Variants in ZNF674 observed in about 807,000 individuals in gnomAD.
ZNF674 encodes the protein zinc finger family member 674.
Under a neutral mutation model 7.0 loss-of-function variants are expected in ZNF674, and 2 were observed. The ratio of observed to expected loss-of-function variants is 0.29; its 90% CI spans 0.12 to 0.90. ZNF674 has a LOEUF of 0.90. Among genes scored for constraint, ZNF674 ranks in the 40% least tolerant of loss-of-function variants. The pLI is 0.57. For missense variants in ZNF674, 297 were observed against 415.5 expected (o/e 0.71, Z 2.48); for synonymous variants, 103 against 145.2 (o/e 0.71, Z 2.09).
Position 46,544,585 on chromosome X carries a change from C to G in ZNF674, c.-114G>C, listed in dbSNP as rs1942346608. 1 of 112,096 alleles carries G rather than the reference C, an allele frequency of 8.9e-6. No individual in the cohort carries two copies. The highest frequency in any genetic ancestry group is 3.2e-5 in the African/African-American group (1 of 30,844). The allele number at this position is 112,096 out of a possible 1,213,427, so 9.2% of individuals were successfully genotyped here. A position where few individuals can be genotyped will look rare whatever the true frequency, so the allele number is the denominator to read the frequency against. ...TAAACTGGAGTCTGAAATCGGTGAGCAGTGGTCTCAGGTCTGCACTCTGAC... is the reference window on the plus strand; with the variant it reads ...TAAACTGGAGTCTGAAATCGGTGAGGAGTGGTCTCAGGTCTGCACTCTGAC... On this transcript the variant is annotated 5_prime_UTR_variant, in exon 2 of 6. Transcript: ENST00000683375.
intron 3 of ZNF674, among the ~76,000 whole-genome samples, chrX:46,535,074 A>C (rs939414743): frequency 8.9e-6 from 1 of 112,359 alleles, no homozygotes; most frequent in African/African-American, 3.2e-5. Flanking sequence ...CCCCAAATTC[A>C]GAAGACATAC....
intron 5 of ZNF674, among the ~76,000 whole-genome samples, chrX:46,508,758 C>T (rs1941589586): frequency 9.1e-6 from 1 of 110,270 alleles, no homozygotes; most frequent in African/African-American, 3.3e-5. Flanking sequence ...TGATTTGGTT[C>T]TCTGTTTGTC....
At chrX:46,541,746 C>A (rs1942299259) in intron 3 of ZNF674, among the ~76,000 whole-genome samples, 2 of 111,632 alleles carry the variant, frequency 1.8e-5, no homozygotes, top group Admixed American at 1.9e-4. Context: ...CAAACTTATT[C>A]TCTTAAACAC....
At chrX:46,512,307 A>C (rs1200226768) in intron 5 of ZNF674, among the ~76,000 whole-genome samples, 1 of 111,030 alleles carries the variant, frequency 9.0e-6, no homozygotes, top group African/African-American at 3.3e-5. Context: ...AGTTGCGGTG[A>C]GCCGAGATCA....
At chrX:46,535,141 T>C (rs960559433) in intron 3 of ZNF674, among the ~76,000 whole-genome samples, 1 of 111,429 alleles carries the variant, frequency 9.0e-6, no homozygotes. Context: ...AATAGCAGAA[T>C]GAATTTTTTT....
At chrX:46,539,472 C>T (rs1199979411) in intron 3 of ZNF674, among the ~76,000 whole-genome samples, 3 of 112,649 alleles carry the variant, frequency 2.7e-5, no homozygotes, top group African/African-American at 6.4e-5. Context: ...ATGTACTGTA[C>T]ATTGCTATGC....
chrX:46,514,248 C>T (rs770431055), intron 5 of ZNF674, among the ~76,000 whole-genome samples: 62 of 111,150 alleles, frequency 5.6e-4, no homozygotes, highest in African/African-American at 2.0e-3. Flanking sequence ...ATGACCTGTT[C>T]GATGTACATC....
intron 3 of ZNF674, among the ~76,000 whole-genome samples, chrX:46,529,940 T>C (rs1942080775): frequency 9.0e-6 from 1 of 111,717 alleles, no homozygotes; most frequent in African/African-American, 3.3e-5. Flanking sequence ...CGTTCTAACC[T>C]TCACTCATCA....
intron 5 of ZNF674, chrX:46,518,017 AAAAG>A (rs1941801170): frequency 1.8e-5 from 2 of 111,342 alleles, no homozygotes; most frequent in African/African-American, 6.5e-5. Flanking sequence ...AATTAAAAAA[AAAAG>A]AAGACGAAAT....
chrX:46,542,958 G>C (rs867576193), intron 2 of ZNF674, among the ~76,000 whole-genome samples: 1 of 106,562 alleles, frequency 9.4e-6, no homozygotes, highest in African/African-American at 3.4e-5. Context: ...TCTTTTTTTT[G>C]TTTTTTTTTG....
intron 3 of ZNF674, among the ~76,000 whole-genome samples, 197 bp downstream of exon 3, chrX:46,541,876 A>G (rs764698728): frequency 8.9e-6 from 1 of 112,239 alleles, no homozygotes; most frequent in South Asian, 3.7e-4. Context: ...TTCTGGAAGA[A>G]CAAGTAGAGA....
chrX:46,522,299 AC>A (rs1941929154), intron 5 of ZNF674, among the ~76,000 whole-genome samples: 1 of 110,046 alleles, frequency 9.1e-6, no homozygotes, highest in Admixed American at 9.8e-5. Context: ...TTCCTAGCAA[AC>A]ATGTAAAATA....
chrX:46,535,301 C>G (rs980941936), intron 3 of ZNF674, among the ~76,000 whole-genome samples: 2 of 110,330 alleles, frequency 1.8e-5, no homozygotes, highest in African/African-American at 6.6e-5. Context: ...CACGCACCAC[C>G]ACGTCCAGCT....
intron 5 of ZNF674, among the ~76,000 whole-genome samples, chrX:46,511,464 C>A (rs1273567658): frequency 9.0e-6 from 1 of 111,718 alleles, no homozygotes; most frequent in Non-Finnish European, 1.9e-5. Context: ...TGCACAAGAT[C>A]TTCCTGAGAA....
rs917177752 is a variant in ZNF674, at chrX:46,499,232, A to C, written c.*611T>G. ...GGCTGGAGTGCAGTGGCACGATCTC[A>C]GTTCACTGCAACCTCTGCCTCCTGG... On this transcript the variant is annotated 3_prime_UTR_variant, in exon 6 of 6. Coordinates refer to ENST00000683375, the MANE Select transcript of ZNF674 (RefSeq NM_001190417.2). The C allele has an allele frequency of 1.8e-5, 2 of 112,036 alleles. No individual in the cohort carries two copies. Among genetic ancestry groups the C allele is most frequent in the African/African-American group, 6.5e-5 (2 of 30,808 alleles). 9.2% of individuals were successfully genotyped at this position (112,036 alleles called of 1,213,427 possible).
chrX:46,514,118 G>C (rs137919791), intron 5 of ZNF674, among the ~76,000 whole-genome samples: 2,750 of 111,032 alleles, frequency 0.025, 80 homozygotes, highest in African/African-American at 0.085. Context: ...GGTTAAAGAC[G>C]CTAAGGAAAA....
chrX:46,513,981 A>G (rs1250254999), intron 5 of ZNF674, among the ~76,000 whole-genome samples: 1 of 111,348 alleles, frequency 9.0e-6, no homozygotes, highest in Admixed American at 9.6e-5. Flanking sequence ...AGAAGGATCA[A>G]TTGGGCCCAG....
chrX:46,540,253 A>G (rs1942270707), intron 3 of ZNF674, among the ~76,000 whole-genome samples: 1 of 111,277 alleles, frequency 9.0e-6, no homozygotes, highest in African/African-American at 3.3e-5. Flanking sequence ...CAAAAAAAAA[A>G]AAAGAAAGAT....
rs150204080 is a variant in ZNF674, at chrX:46,533,067, T to C, written c.16-4158A>G. 4.4e-3 allele frequency among the ~76,000 whole-genome samples: 487 copies of C among 111,630 alleles called. 3 individuals carry two copies. Among genetic ancestry groups the C allele is most frequent in the African/African-American group, 0.015 (468 of 30,755 alleles). ...ATGAGGAGGCTAAAATCTGCTAACATGTAGACATAAAAGATTTCCAGCTAT... is the reference window on the plus strand; with the variant it reads ...ATGAGGAGGCTAAAATCTGCTAACACGTAGACATAAAAGATTTCCAGCTAT... On this transcript the variant is annotated intron_variant, in intron 3 of 5. Coordinates refer to ENST00000683375, the MANE Select transcript of ZNF674 (RefSeq NM_001190417.2).
Sources: gnomAD v4.1 joint callset for allele counts (sites outside exome capture counted in the v4.1 genomes callset) on GRCh38, gnomAD v4.1.1 for gene constraint, MANE v1.5 for transcripts, NCBI Gene and HGNC (gene_info 2026-07-23, HGNC 2026-07-21) for gene names.